The following CYP4F12 variants were observed in gnomAD, a reference collection of about 807,000 sequenced individuals.
CYP4F12 encodes cytochrome P450 4F12.
A neutral mutation model predicts 56.5 loss-of-function variants in CYP4F12; 60 were observed. The ratio of observed to expected loss-of-function variants is 1.06; its 90% CI spans 0.86 to 1.32. The LOEUF is 1.32. Among genes scored for constraint, CYP4F12 ranks in the 40% most tolerant of loss-of-function variants. The pLI is 0.00. For missense variants in CYP4F12, 711 were observed against 683.5 expected, an observed-to-expected ratio of 1.04 and a Z score of -0.45; for synonymous variants, 263 against 264.9, an observed-to-expected ratio of 0.99 and a Z score of 0.07.
Position 15,680,160 on chromosome 19 carries a change from A to G in CYP4F12, c.344-84A>G. 3.3e-6 allele frequency: 5 copies of G among 1,512,574 alleles called. No homozygotes were observed. In the South Asian group the frequency reaches 6.6e-5, roughly 20 times the overall value. The allele number at this position is 1,512,574 out of a possible 1,614,324, so 93.7% of individuals were successfully genotyped here. A position where few individuals can be genotyped will look rare whatever the true frequency, so the allele number is the denominator to read the frequency against. ...TGCTATGCTGGGCATGGAGTGGGGA[A>G]AGTGCTGGTAGGCAGCCTTGCCCTA... On this transcript the variant is annotated intron_variant, in intron 3 of 12. Coordinates refer to ENST00000550308, the MANE Select transcript of CYP4F12 (RefSeq NM_023944.4).
intron 9 of CYP4F12, among the ~76,000 whole-genome samples, chr19:15,689,357 A>G (rs1048122822): frequency 6.6e-6 from 1 of 152,196 alleles, no homozygotes; most frequent in African/African-American, 2.4e-5. Context: ...ACATATGAAA[A>G]AATGCTCAAC....
chr19:15,696,925 C>T lies in CYP4F12; in HGVS notation c.1415C>T (p.Ala472Val), dbSNP rs369584962. Residue 472 changes from alanine to valine, a missense_variant, in exon 13 of 13, where the codon GCG becomes GTG. Ala to Val is a moderately conservative substitution (Grantham distance 64, BLOSUM62 0). Coordinates refer to ENST00000550308, the MANE Select transcript of CYP4F12 (RefSeq NM_023944.4). ...GCCTGCAGGAACTGCATCGGGCAGG[C>T]GTTCGCCATGGCGGAGATGAAAGTG... ...SAGPRNCIGQ[A>V]FAMAEMKVVL... 6.9e-5 allele frequency: 112 copies of T among 1,613,360 alleles called. No homozygotes were observed. Among genetic ancestry groups the T allele is most frequent in the Non-Finnish European group, 8.6e-5 (102 of 1,179,684 alleles).
chr19:15,680,399 G>T lies in CYP4F12; in HGVS notation c.405G>T (p.Gly135=), dbSNP rs530094833. ...CCTTGGCTGCCCTACTAGGAGAAGG[G>T]ATACTGCTGAGTGGCGGTGACAAGT... ...IRFLKPWLGE[G]ILLSGGDKWS... is the part of the protein sequence containing the mutation. Residue 135 remains glycine, a synonymous_variant, in exon 5 of 13, where the codon GGG becomes GGT. Coordinates refer to ENST00000550308, the MANE Select transcript of CYP4F12 (RefSeq NM_023944.4). 1 of 1,614,048 alleles carries T rather than the reference G, an allele frequency of 6.2e-7. No individual in the cohort carries two copies. The highest frequency in any genetic ancestry group is 8.5e-7 in the Non-Finnish European group (1 of 1,180,008).
intron 9 of CYP4F12, among the ~76,000 whole-genome samples, chr19:15,690,865 CATCT>C (rs1157222304): frequency 8.5e-5 from 13 of 152,166 alleles, no homozygotes; most frequent in African/African-American, 3.1e-4. Context: ...ACTTATTTGT[CATCT>C]ATCTGTCTGT....
In CYP4F12 at chr19:15,682,079, A is replaced by G. The variant is rs1169822846; in HGVS notation, c.526-310A>G. On this transcript the variant is annotated intron_variant, in intron 5 of 12. Transcript: ENST00000550308. ...CCTGGTTTATCTGGCCCCAAAGCAG[A>G]TCACCTTGACCGTTATTGAATATTT... 3 of 261,466 alleles carry G rather than the reference A, an allele frequency of 1.1e-5. No individual in the cohort carries two copies. In the Admixed American group the frequency reaches 1.4e-4, roughly 12 times the overall value. 16.2% of individuals were successfully genotyped at this position (261,466 alleles called of 1,614,324 possible).
chr19:15,683,377 C>G (rs1460884992), intron 6 of CYP4F12, 116 bp from the exon 7 acceptor site: 11 of 1,120,734 alleles, frequency 9.8e-6, no homozygotes, highest in Non-Finnish European at 1.4e-5. Flanking sequence ...CTAGGACCAT[C>G]TATTTCTAGA....
chr19:15,678,456 G>A (rs1393339685), intron 3 of CYP4F12, 51 bp downstream of exon 3: 1 of 1,609,986 alleles, frequency 6.2e-7, no homozygotes, highest in Non-Finnish European at 8.5e-7. Context: ...CTTCTGTGTG[G>A]TCTCTGCAGT....
intron 10 of CYP4F12, 45 bp from the exon 11 acceptor site, chr19:15,696,116 T>C (rs2008123508): frequency 1.2e-6 from 2 of 1,611,112 alleles, no homozygotes; most frequent in African/African-American, 2.7e-5. Context: ...GGAAGATGGT[T>C]CCCTCAGGGG....
intron 9 of CYP4F12, among the ~76,000 whole-genome samples, chr19:15,695,556 AC>A (rs1162221193): frequency 6.6e-6 from 1 of 151,384 alleles, no homozygotes; most frequent in African/African-American, 2.4e-5. Context: ...GCCTAATTGC[AC>A]TTGCTGGTAT....
intron 3 of CYP4F12, 23 bp downstream of exon 3, chr19:15,678,428 G>T (rs2007103908): frequency 6.2e-7 from 1 of 1,613,912 alleles, no homozygotes; most frequent in Non-Finnish European, 8.5e-7. Context: ...AGCTTGTGGT[G>T]GTGGGTGCCA....
At chr19:15,679,739 G>GA (rs2007179627) in intron 3 of CYP4F12, among the ~76,000 whole-genome samples, 1 of 152,212 alleles carries the variant, frequency 6.6e-6, no homozygotes, top group Non-Finnish European at 1.5e-5. Flanking sequence ...GTCTCCCTGA[G>GA]CCAGGTTTCG....
intron 7 of CYP4F12, 103 bp from the exon 8 acceptor site, chr19:15,684,713 G>A: frequency 8.6e-7 from 1 of 1,167,502 alleles, no homozygotes; most frequent in South Asian, 1.4e-5. Flanking sequence ...GAGCTTCAGA[G>A]ATTATCTCAG....
chr19:15,679,465 G>T lies in CYP4F12; in HGVS notation c.344-779G>T, dbSNP rs1482849179. Reference sequence around the variant, plus strand: ...CCGAAAGCTCACCTTACCCCCAGGGGTCCCATAAATAGCCGCCTATAGTTT... The same window carrying T: ...CCGAAAGCTCACCTTACCCCCAGGGTTCCCATAAATAGCCGCCTATAGTTT... On this transcript the variant is annotated intron_variant, in intron 3 of 12. Coordinates refer to ENST00000550308, the MANE Select transcript of CYP4F12 (RefSeq NM_023944.4). Among the ~76,000 whole-genome samples the T allele has an allele frequency of 1.3e-4, 6 of 46,960 alleles. No homozygotes were observed. In the South Asian group the frequency reaches 3.6e-3, roughly 28 times the overall value. 30.8% of individuals were successfully genotyped at this position (46,960 alleles called of 152,430 possible).
chr19:15,690,992 C>A (rs533304401), intron 9 of CYP4F12, among the ~76,000 whole-genome samples: 11 of 152,276 alleles, frequency 7.2e-5, no homozygotes, highest in African/African-American at 2.4e-4. Flanking sequence ...TTTTTTTCCA[C>A]TCAATACTGT....
chr19:15,678,248 G>A lies in CYP4F12; in HGVS notation c.199-13G>A, dbSNP rs1466915780. 3 of 1,614,006 alleles carry A rather than the reference G, an allele frequency of 1.9e-6. No homozygotes were observed. The highest frequency in any genetic ancestry group is 2.2e-5 in the South Asian group (2 of 91,066). On this transcript the variant is annotated splice_polypyrimidine_tract_variant and intron_variant, in intron 2 of 12. Transcript: ENST00000550308. ...ACCATCACAGGAAGTGACAGCCCTT[G>A]ACTTGCTTTCAGATCACTCCTACAG...
chr19:15,690,288 G>A (rs1028492835), intron 9 of CYP4F12, among the ~76,000 whole-genome samples: 1 of 152,110 alleles, frequency 6.6e-6, no homozygotes, highest in African/African-American at 2.4e-5. Flanking sequence ...GAATGATTAA[G>A]TCAATTTAAT....
chr19:15,680,534 G>A lies in CYP4F12; in HGVS notation c.525+15G>A, dbSNP rs201190186. ...ACATCATGCTTGTGAGTCCCTTGAA[G>A]TCTGGGTCCCAGATGGAGTCTTGGG... is the stretch of plus-strand genomic sequence containing the variant. On this transcript the variant is annotated intron_variant, in intron 5 of 12. Transcript: ENST00000550308. The A allele has an allele frequency of 1.7e-4, 276 of 1,614,008 alleles. 3 individuals carry two copies. The South Asian group carries it at 2.9e-3, about 17-fold the overall frequency.
intron 3 of CYP4F12, among the ~76,000 whole-genome samples, chr19:15,679,148 C>T (rs111878747): frequency 1.8e-3 from 274 of 152,282 alleles, no homozygotes; most frequent in African/African-American, 6.3e-3. Context: ...TGGCTCTGAC[C>T]CCCAAATCCT....
At chr19:15,691,537 G>A (rs191422138) in intron 9 of CYP4F12, among the ~76,000 whole-genome samples, 2 of 152,164 alleles carry the variant, frequency 1.3e-5, no homozygotes, top group Admixed American at 1.3e-4. Flanking sequence ...ATCTTTTAAT[G>A]AGCATTTTCT....
Sources: allele counts gnomAD v4.1 joint callset (sites outside exome capture counted in the v4.1 genomes callset), GRCh38; gene constraint gnomAD v4.1.1; transcripts MANE v1.5; gene names NCBI Gene and HGNC (gene_info 2026-07-23, HGNC 2026-07-21).